The following CYFIP2 variants were observed in gnomAD, a reference collection of about 807,000 sequenced individuals.
CYFIP2 encodes the protein cytoplasmic FMR1-interacting protein 2.
Under a neutral mutation model 158.7 loss-of-function variants are expected in CYFIP2, and 29 were observed. That is an observed-to-expected ratio of 0.18 (90% confidence interval 0.14 to 0.25). The LOEUF (loss-of-function observed/expected upper bound fraction) is 0.25. CYFIP2 is among the 10% of genes least tolerant of loss of function. The probability of loss-of-function intolerance (pLI) is 1.00; values close to 1 mark genes in which losing one functional copy is unlikely to be tolerated. For missense variants in CYFIP2, 852 were observed against 1,639.5 expected (o/e 0.52, Z 8.29); for synonymous variants, 585 against 617.6 (o/e 0.95, Z 0.78).
chr5:157,351,437 A>G (rs1232158988), intron 23 of CYFIP2, among the ~76,000 whole-genome samples: 1 of 152,196 alleles, frequency 6.6e-6, no homozygotes, highest in Non-Finnish European at 1.5e-5. Context: ...TAATATTGAA[A>G]AGTTCAAAGA....
At position 157,359,067 on chromosome 5, in the gene CYFIP2, T is replaced by C; in HGVS notation, c.2736T>C (p.His912=). 1 of 1,613,992 alleles carries C rather than the reference T, an allele frequency of 6.2e-7. No homozygotes were observed. The highest frequency in any genetic ancestry group is 1.7e-5 in the Admixed American group (1 of 60,020). ...ACAGGAATTTCGTGGGGCCACCTCA[T>C]TTCAAGACTATCTGCAGACTCCTGG... ...SSYRNFVGPP[H]FKTICRLLGY... is the part of the protein sequence containing the mutation. Residue 912 remains histidine (H), a synonymous_variant, in exon 24 of 31, where the codon CAT becomes CAC. Coordinates refer to ENST00000620254, the MANE Select transcript of CYFIP2 (RefSeq NM_001037333.3).
intron 22 of CYFIP2, among the ~76,000 whole-genome samples, chr5:157,339,543 G>T (rs1229738743): frequency 2.6e-5 from 4 of 152,230 alleles, no homozygotes; most frequent in African/African-American, 4.8e-5. Context: ...CATGGGGCAT[G>T]CCATGGTGAG....
Position 157,314,965 on chromosome 5 carries a change from C to T in CYFIP2, c.1231-4C>T. On this transcript the variant is annotated splice_polypyrimidine_tract_variant and splice_region_variant and intron_variant, in intron 12 of 30. Transcript: ENST00000620254. ...GACGTTTGGTTTGTTCCCACTCTCC[C>T]CAGTACTCTTGGAAGCTGGTTCATC... The T allele has an allele frequency of 6.4e-7, 1 of 1,562,116 alleles. No individual in the cohort carries two copies. The highest frequency in any genetic ancestry group is 8.7e-7 in the Non-Finnish European group (1 of 1,152,392).
At chr5:157,286,871 G>A in intron 2 of CYFIP2, 148 bp from the exon 3 acceptor site, 1 of 588,602 alleles carries the variant, frequency 1.7e-6, no homozygotes, top group South Asian at 1.8e-5. Context: ...GGGACTTTGT[G>A]GGGAAGGGGC....
intron 9 of CYFIP2, among the ~76,000 whole-genome samples, chr5:157,309,325 C>G: frequency 6.6e-6 from 1 of 152,190 alleles, no homozygotes; most frequent in South Asian, 2.1e-4. Flanking sequence ...TTTGAAAGTA[C>G]AGACTTTCTC....
At chr5:157,377,753 C>G (rs1765625878) in intron 26 of CYFIP2, among the ~76,000 whole-genome samples, 1 of 152,222 alleles carries the variant, frequency 6.6e-6, no homozygotes, top group Non-Finnish European at 1.5e-5. Context: ...TCCTATTATA[C>G]ACATGTTCTC....
intron 1 of CYFIP2, among the ~76,000 whole-genome samples, chr5:157,278,534 T>TA (rs1376468963): frequency 6.6e-6 from 1 of 152,204 alleles, no homozygotes; most frequent in Non-Finnish European, 1.5e-5. Context: ...TGACCTTGAA[T>TA]AAAAGTGTTT....
In CYFIP2 at chr5:157,349,088, C is replaced by T. The variant is rs375555495; in HGVS notation, c.2673+7931C>T. Among the ~76,000 whole-genome samples, 11 of 152,282 alleles carry T rather than the reference C, an allele frequency of 7.2e-5. 1 individual carries two copies. The highest frequency in any genetic ancestry group is 6.5e-4 in the Admixed American group (10 of 15,298). On this transcript the variant is annotated intron_variant, in intron 23 of 30. Coordinates refer to ENST00000620254, the MANE Select transcript of CYFIP2 (RefSeq NM_001037333.3). ...TAGCCACCGCACCTGGCCAAATTCC[C>T]TCACTTTATGTATTTATTTATTTAT...
chr5:157,321,409 T>C (rs1760583660), intron 15 of CYFIP2, among the ~76,000 whole-genome samples: 1 of 152,228 alleles, frequency 6.6e-6, no homozygotes, highest in Admixed American at 6.5e-5. Context: ...AGAGGAAGTC[T>C]AGTATTTGGA....
chr5:157,324,140 A>T (rs1760828676), intron 16 of CYFIP2, 66 bp downstream of exon 16: 2 of 1,516,346 alleles, frequency 1.3e-6, no homozygotes, highest in Non-Finnish European at 1.8e-6. Context: ...AGCCGCTAAG[A>T]CCACCAAGCC....
chr5:157,283,320 T>C (rs1757135457), intron 1 of CYFIP2, among the ~76,000 whole-genome samples: 1 of 152,240 alleles, frequency 6.6e-6, no homozygotes. Context: ...TTATTATAAT[T>C]GGAATTAATG....
chr5:157,284,595 G>C (rs1222796311), intron 1 of CYFIP2, among the ~76,000 whole-genome samples: 1 of 152,188 alleles, frequency 6.6e-6, no homozygotes, highest in Non-Finnish European at 1.5e-5. Context: ...TCTTAAAATA[G>C]GAATTAGCTC....
chr5:157,339,049 C>G lies in CYFIP2; in HGVS notation c.2386-8C>G. Reference sequence around the variant, plus strand: ...TCCTCAGCAGTTGTGGGCTCTCTCTCTGTACAGGAGCTGGAGTGGCTGCTG... The same window carrying G: ...TCCTCAGCAGTTGTGGGCTCTCTCTGTGTACAGGAGCTGGAGTGGCTGCTG... On this transcript the variant is annotated splice_region_variant and splice_polypyrimidine_tract_variant and intron_variant, in intron 21 of 30. Transcript: ENST00000620254. 6.2e-7 allele frequency: 1 copy of G among 1,607,662 alleles called. No individual in the cohort carries two copies. Among genetic ancestry groups the G allele is most frequent in the South Asian group, 1.1e-5 (1 of 90,078 alleles).
intron 28 of CYFIP2, among the ~76,000 whole-genome samples, chr5:157,388,825 T>C (rs1766963213): frequency 6.6e-6 from 1 of 152,194 alleles, no homozygotes; most frequent in African/African-American, 2.4e-5. Context: ...AGGGCCTGCT[T>C]TATTACCCAC....
At chr5:157,357,150 T>C (rs1164171567) in intron 23 of CYFIP2, among the ~76,000 whole-genome samples, 1 of 152,222 alleles carries the variant, frequency 6.6e-6, no homozygotes, top group African/African-American at 2.4e-5. Context: ...GAACTATTAC[T>C]GAACCTGGTG....
chr5:157,384,199 G>A (rs1286232582), intron 28 of CYFIP2: 4 of 440,204 alleles, frequency 9.1e-6, no homozygotes, highest in Non-Finnish European at 1.8e-5. Flanking sequence ...AGATGAGTAA[G>A]ACAGGACCCC....
At chr5:157,371,453 T>TA (rs1454008361) in intron 26 of CYFIP2, among the ~76,000 whole-genome samples, 2 of 152,322 alleles carry the variant, frequency 1.3e-5, no homozygotes, top group Non-Finnish European at 2.9e-5. Context: ...GGAAATCAGC[T>TA]AAAAATGGTA....
intron 28 of CYFIP2, among the ~76,000 whole-genome samples, chr5:157,385,134 T>A (rs180767958): frequency 6.6e-6 from 1 of 152,322 alleles, no homozygotes; most frequent in Admixed American, 6.5e-5. Context: ...TCTGCTCCAC[T>A]GCTGCTGTCA....
intron 13 of CYFIP2, among the ~76,000 whole-genome samples, chr5:157,316,433 G>A (rs1286734267): frequency 1.3e-5 from 2 of 151,964 alleles, no homozygotes; most frequent in African/African-American, 4.8e-5. Flanking sequence ...CAAAACTGAA[G>A]GACATAAATA....
Sources: allele counts gnomAD v4.1 joint callset (sites outside exome capture counted in the v4.1 genomes callset), GRCh38; gene constraint gnomAD v4.1.1; transcripts MANE v1.5; gene names NCBI Gene and HGNC (gene_info 2026-07-23, HGNC 2026-07-21).